Variants in SHB observed in about 807,000 individuals in gnomAD.
The protein encoded by SHB is SH2 domain containing adaptor protein B.
A neutral mutation model predicts 52.3 loss-of-function variants in SHB; 20 were observed. The observed-to-expected ratio is 0.38, with a 90% CI of 0.27 to 0.56. The LOEUF (loss-of-function observed/expected upper bound fraction) is 0.56. SHB is among the 20% of genes least tolerant of loss of function. The pLI, the probability that SHB is intolerant of heterozygous loss-of-function variation, is 0.71. For synonymous variants in SHB, 397 were observed against 316.5 expected (o/e 1.25, Z -2.70); for missense variants, 825 against 723.3 (o/e 1.14, Z -1.61).
chr9:38,066,005 G>A (rs1043968885), intron 1 of SHB, among the ~76,000 whole-genome samples: 5 of 152,042 alleles, frequency 3.3e-5, no homozygotes, highest in Non-Finnish European at 7.4e-5. Context: ...CCTGTAACAC[G>A]AGGTCTCATC....
chr9:38,048,897 T>C (rs983096810), intron 1 of SHB, among the ~76,000 whole-genome samples: 4 of 152,236 alleles, frequency 2.6e-5, no homozygotes, highest in Non-Finnish European at 4.4e-5. Context: ...AGCCTCTCCA[T>C]GTTGCTCTCT....
chr9:37,980,953 CAG>C (rs939976706), intron 2 of SHB, among the ~76,000 whole-genome samples: 9 of 152,150 alleles, frequency 5.9e-5, no homozygotes, highest in Admixed American at 3.3e-4. Flanking sequence ...ATGCTGTAAA[CAG>C]AGGAACTGCC....
chr9:37,954,800 G>C (rs1434779958), intron 4 of SHB, among the ~76,000 whole-genome samples: 1 of 152,138 alleles, frequency 6.6e-6, no homozygotes, highest in Admixed American at 6.5e-5. Flanking sequence ...CTTTATCCTG[G>C]AGGTAATGTG....
chr9:38,023,236 G>A (rs1821302641), intron 1 of SHB, among the ~76,000 whole-genome samples: 1 of 152,244 alleles, frequency 6.6e-6, no homozygotes, highest in Admixed American at 6.5e-5. Flanking sequence ...TGGAGCTCTG[G>A]AACTGGTTCT....
At position 37,974,643 on chromosome 9, in the gene SHB, C is replaced by G. The variant is rs368237817; in HGVS notation, c.1033G>C (p.Val345Leu). The G allele has an allele frequency of 6.2e-7, 1 of 1,613,004 alleles. No homozygotes were observed. Among genetic ancestry groups the G allele is most frequent in the East Asian group, 2.2e-5 (1 of 44,874 alleles). ...EYDQPWEWNRVTIPALAAQFN... is the reference protein window; with the variant it reads ...EYDQPWEWNRLTIPALAAQFN... ...TTACCTGCCAGGGCTGGGATGGTGA[C>G]CCGGTTCCACTCCCAAGGCTGGTCG... Residue 345 changes from valine to leucine, a missense_variant, in exon 3 of 6, where the codon GTC becomes CTC. By Grantham distance (32) the Val-to-Leu change is conservative. Coordinates refer to ENST00000377707, the MANE Select transcript of SHB (RefSeq NM_003028.3).
intron 1 of SHB, among the ~76,000 whole-genome samples, chr9:38,037,167 C>G (rs1344828482): frequency 6.6e-6 from 1 of 152,186 alleles, no homozygotes; most frequent in Non-Finnish European, 1.5e-5. Context: ...ATCCTGCGAT[C>G]TCCTTATGAC....
At chr9:38,047,461 C>A (rs564268160) in intron 1 of SHB, among the ~76,000 whole-genome samples, 1 of 152,380 alleles carries the variant, frequency 6.6e-6, no homozygotes, top group African/African-American at 2.4e-5. Context: ...CACTGAGCAC[C>A]TGTCCTGTGT....
chr9:38,036,109 CAG>C (rs1821482815), intron 1 of SHB, among the ~76,000 whole-genome samples: 1 of 152,186 alleles, frequency 6.6e-6, no homozygotes, highest in Non-Finnish European at 1.5e-5. Flanking sequence ...CACCCAGGCA[CAG>C]ACAGGCCCAA....
Position 37,974,747 on chromosome 9 carries a change from G to A in SHB, c.929C>T (p.Ser310Leu), listed in dbSNP as rs767062610. The change falls in exon 3 of 6, where the codon TCA becomes TTA. Residue 310 changes from serine (S) to leucine (L), a missense_variant. Coordinates refer to ENST00000377707, the MANE Select transcript of SHB (RefSeq NM_003028.3). Reference sequence around the variant, plus strand: ...GGGGCTGACTGTGCTCTCCGAGTCTGAGTCAACACTTTGGCCTTCAGGTTC... The same window carrying A: ...GGGGCTGACTGTGCTCTCCGAGTCTAAGTCAACACTTTGGCCTTCAGGTTC... ...PYEPEGQSVD[S>L]DSESTVSPRL... 42 of 1,613,864 alleles carry A rather than the reference G, an allele frequency of 2.6e-5. No individual in the cohort carries two copies. The highest frequency in any genetic ancestry group is 4.4e-5 in the South Asian group (4 of 91,080).
At chr9:38,003,127 G>T (rs56408868) in intron 2 of SHB, among the ~76,000 whole-genome samples, 10,499 of 152,152 alleles carry the variant, frequency 0.069, 468 homozygotes, top group South Asian at 0.11. Flanking sequence ...TTCCTCTGAG[G>T]ATCAGCTGGA....
At position 38,067,810 on chromosome 9, in the gene SHB, G is replaced by C. The variant is rs1263676044; in HGVS notation, c.717+119C>G. The C allele has an allele frequency of 2.6e-6, 3 of 1,146,610 alleles. No individual in the cohort carries two copies. In the South Asian group the frequency reaches 6.0e-5, roughly 23 times the overall value. 71.0% of individuals were successfully genotyped at this position (1,146,610 alleles called of 1,614,324 possible). On this transcript the variant is annotated intron_variant, in intron 1 of 5. Coordinates refer to ENST00000377707, the MANE Select transcript of SHB (RefSeq NM_003028.3). ...AAGCGGGAAGCAGCACGCCAGCCCC[G>C]ACCCAGGGTCCTAGGCCGAAGCTGA...
At chr9:37,956,789 T>C (rs146944947) in intron 3 of SHB, among the ~76,000 whole-genome samples, 104 of 152,320 alleles carry the variant, frequency 6.8e-4, no homozygotes, top group East Asian at 3.5e-3. Context: ...GGAGACCACC[T>C]TGCCAGTTAT....
At chr9:37,934,005 G>A (rs1053901530) in intron 5 of SHB, among the ~76,000 whole-genome samples, 3 of 152,174 alleles carry the variant, frequency 2.0e-5, no homozygotes, top group East Asian at 1.9e-4. Flanking sequence ...TCTGCTGCCC[G>A]TTCCCCAGGC....
At chr9:37,995,055 C>G (rs1489821906) in intron 2 of SHB, among the ~76,000 whole-genome samples, 2 of 152,168 alleles carry the variant, frequency 1.3e-5, no homozygotes, top group Non-Finnish European at 2.9e-5. Context: ...CTTCCACTAG[C>G]TGGGAACCTA....
rs1832125355 is a variant in SHB at position 37,918,133 on chromosome 9, C to T, written c.*1688G>A. Among the ~76,000 whole-genome samples, 1 of 152,250 alleles carries T rather than the reference C, an allele frequency of 6.6e-6. No individual in the cohort carries two copies. Among genetic ancestry groups the T allele is most frequent in the South Asian group, 2.1e-4 (1 of 4,836 alleles). ...TGACATTCAAACTCGGCCCCTTGTGCTCTGCCCAGGTGGGCCAGGGATGAC... is the reference window on the plus strand; with the variant it reads ...TGACATTCAAACTCGGCCCCTTGTGTTCTGCCCAGGTGGGCCAGGGATGAC... On this transcript the variant is annotated 3_prime_UTR_variant, in exon 6 of 6. Coordinates refer to ENST00000377707, the MANE Select transcript of SHB (RefSeq NM_003028.3).
chr9:38,034,873 T>C (rs1345921064), intron 1 of SHB, among the ~76,000 whole-genome samples: 1 of 152,204 alleles, frequency 6.6e-6, no homozygotes, highest in Non-Finnish European at 1.5e-5. Flanking sequence ...TTTTTTGTAT[T>C]TTTAGCAGAG....
chr9:38,040,337 TGAG>T (rs1323823865), intron 1 of SHB, among the ~76,000 whole-genome samples: 1 of 151,976 alleles, frequency 6.6e-6, no homozygotes. Flanking sequence ...AGGGCTGTCG[TGAG>T]GAGGAAACCA....
intron 1 of SHB, among the ~76,000 whole-genome samples, chr9:38,059,786 C>T (rs1162106668): frequency 6.6e-6 from 1 of 152,214 alleles, no homozygotes; most frequent in African/African-American, 2.4e-5. Context: ...TCAACACACA[C>T]AGCAGGTACT....
intron 5 of SHB, among the ~76,000 whole-genome samples, chr9:37,947,902 G>A (rs1160278083): frequency 1.3e-5 from 2 of 152,212 alleles, no homozygotes; most frequent in Non-Finnish European, 2.9e-5. Flanking sequence ...TATGTCCTTG[G>A]CAAATCCCTT....
Sources: allele counts gnomAD v4.1 joint callset (sites outside exome capture counted in the v4.1 genomes callset), GRCh38; gene constraint gnomAD v4.1.1; transcripts MANE v1.5; gene names NCBI Gene and HGNC (gene_info 2026-07-23, HGNC 2026-07-21).